The following GPC5 variants were observed in gnomAD, a reference collection of about 807,000 sequenced individuals.
GPC5 encodes glypican-5.
In GPC5, 47 loss-of-function variants were observed where a neutral mutation model predicts 53.9. The observed-to-expected ratio is 0.87, with a 90% CI of 0.69 to 1.11. GPC5 has a LOEUF of 1.11. GPC5 is among the 50% of genes most tolerant of loss of function. The probability of loss-of-function intolerance (pLI) is 0.00; values close to 1 mark genes in which losing one functional copy is unlikely to be tolerated. For synonymous variants in GPC5, 286 were observed against 263.3 expected (o/e 1.09, Z -0.84); for missense variants, 748 against 713.1 (o/e 1.05, Z -0.56).
chr13:91,404,476 C>A (rs1463963503), intron 1 of GPC5, among the ~76,000 whole-genome samples: 1 of 152,220 alleles, frequency 6.6e-6, no homozygotes, highest in Non-Finnish European at 1.5e-5. Context: ...TCCATATCTA[C>A]CTTTCTTTTA....
chr13:91,566,560 T>TCAAAAA (rs1476021616), intron 2 of GPC5, among the ~76,000 whole-genome samples: 4 of 152,038 alleles, frequency 2.6e-5, no homozygotes, highest in African/African-American at 9.7e-5. Flanking sequence ...AGACTCTGTC[T>TCAAAAA]CAAAAACAAA....
intron 5 of GPC5, among the ~76,000 whole-genome samples, chr13:91,899,834 G>A (rs1490775194): frequency 2.6e-5 from 4 of 152,096 alleles, no homozygotes; most frequent in African/African-American, 9.7e-5. Flanking sequence ...GTCTTCAGAG[G>A]GAGTATGGCC....
chr13:91,595,786 C>T (rs1229099782), intron 2 of GPC5, among the ~76,000 whole-genome samples: 1 of 152,186 alleles, frequency 6.6e-6, no homozygotes, highest in African/African-American at 2.4e-5. Flanking sequence ...GTTGGTGTTT[C>T]CACTTAGTCT....
At chr13:91,564,991 T>TG (rs1242946195) in intron 2 of GPC5, among the ~76,000 whole-genome samples, 1 of 11,514 alleles carries the variant, frequency 8.7e-5, no homozygotes, top group Non-Finnish European at 1.7e-4. Context: ...GTGGCTTTTT[T>TG]TTGGGGGGGG....
At chr13:92,109,875 ACTAT>A (rs1254142292) in intron 6 of GPC5, among the ~76,000 whole-genome samples, 1 of 152,174 alleles carries the variant, frequency 6.6e-6, no homozygotes, top group Non-Finnish European at 1.5e-5. Context: ...TGTGGCTTAT[ACTAT>A]GTTGTATATT....
chr13:92,765,287 T>C lies in GPC5; in HGVS notation c.1562-100995T>C, dbSNP rs527699960. On this transcript the variant is annotated intron_variant, in intron 7 of 7. Coordinates refer to ENST00000377067, the MANE Select transcript of GPC5 (RefSeq NM_004466.6). ...TAAGAACAGATTCATGGCTGCTTAA[T>C]GTGTCCTTCAAAACATCTTTCAAAA... is the stretch of plus-strand genomic sequence containing the variant. Among the ~76,000 whole-genome samples, 11 of 152,334 alleles carry C rather than the reference T, an allele frequency of 7.2e-5. No individual in the cohort carries two copies. In the South Asian group the frequency reaches 2.3e-3, roughly 32 times the overall value.
intron 6 of GPC5, among the ~76,000 whole-genome samples, chr13:92,106,676 CTT>C (rs1196383288): frequency 6.6e-6 from 1 of 152,080 alleles, no homozygotes; most frequent in Non-Finnish European, 1.5e-5. Flanking sequence ...TTCTGCAACT[CTT>C]TAGGTAATTG....
chr13:92,280,364 A>G (rs2042905913), intron 7 of GPC5, among the ~76,000 whole-genome samples: 1 of 152,080 alleles, frequency 6.6e-6, no homozygotes, highest in Non-Finnish European at 1.5e-5. Flanking sequence ...TCTCTTCTCT[A>G]AACTCTATTA....
At chr13:91,682,284 A>T (rs998164585) in intron 2 of GPC5, among the ~76,000 whole-genome samples, 9 of 152,212 alleles carry the variant, frequency 5.9e-5, no homozygotes, top group Non-Finnish European at 1.2e-4. Context: ...TTAATTTTCC[A>T]AAAGAACTTA....
At chr13:92,112,981 G>A (rs1051704962) in intron 6 of GPC5, among the ~76,000 whole-genome samples, 4 of 152,000 alleles carry the variant, frequency 2.6e-5, no homozygotes, top group African/African-American at 9.7e-5. Flanking sequence ...AAAATATTAA[G>A]TTTATTACCA....
intron 6 of GPC5, among the ~76,000 whole-genome samples, chr13:91,908,319 G>T (rs961980177): frequency 6.6e-6 from 1 of 151,960 alleles, no homozygotes; most frequent in African/African-American, 2.4e-5. Flanking sequence ...AGAATCTCAG[G>T]ATATGCTTTG....
intron 7 of GPC5, among the ~76,000 whole-genome samples, chr13:92,611,273 C>G (rs1211557190): frequency 1.3e-5 from 2 of 152,074 alleles, no homozygotes; most frequent in Admixed American, 6.6e-5. Flanking sequence ...GTAAGAGGTA[C>G]AAAGAAAAAG....
At chr13:91,830,993 T>C (rs1269084095) in intron 5 of GPC5, among the ~76,000 whole-genome samples, 1 of 136,712 alleles carries the variant, frequency 7.3e-6, no homozygotes, top group Non-Finnish European at 1.5e-5. Flanking sequence ...ATTATATATA[T>C]AATATATATA....
intron 6 of GPC5, among the ~76,000 whole-genome samples, chr13:91,970,939 T>C (rs2040235981): frequency 6.6e-6 from 1 of 152,320 alleles, no homozygotes; most frequent in Middle Eastern, 3.4e-3. Flanking sequence ...TTTTTGGTTG[T>C]GTCTCTGCCA....
At chr13:91,399,240 G>GC (rs773866952) in intron 1 of GPC5, 31 bp downstream of exon 1, 1 of 1,601,080 alleles carries the variant, frequency 6.2e-7, no homozygotes, top group Non-Finnish European at 8.5e-7. Flanking sequence ...CTCTGGACTG[G>GC]CGGCGTCCGA....
intron 7 of GPC5, among the ~76,000 whole-genome samples, chr13:92,397,422 T>G (rs76574561): frequency 0.1 from 15,723 of 152,318 alleles, 980 homozygotes; most frequent in East Asian, 0.31. Flanking sequence ...GCTATGATTC[T>G]GAGGCTCCCC....
At chr13:91,923,248 G>C (rs938710593) in intron 6 of GPC5, among the ~76,000 whole-genome samples, 4 of 152,000 alleles carry the variant, frequency 2.6e-5, no homozygotes, top group Admixed American at 2.6e-4. Context: ...AATGTTTTGC[G>C]GACTCAATAA....
intron 7 of GPC5, among the ~76,000 whole-genome samples, chr13:92,574,238 T>C (rs1883123926): frequency 6.6e-6 from 1 of 152,192 alleles, no homozygotes; most frequent in African/African-American, 2.4e-5. Context: ...GACTTTTATC[T>C]AAATCCTGAA....
chr13:92,237,259 T>C (rs1181688167), intron 7 of GPC5, among the ~76,000 whole-genome samples: 1 of 152,144 alleles, frequency 6.6e-6, no homozygotes, highest in Non-Finnish European at 1.5e-5. Flanking sequence ...CTCACTCTGT[T>C]GCCAGGCTGG....
Sources: allele counts gnomAD v4.1 joint callset (sites outside exome capture counted in the v4.1 genomes callset), GRCh38; gene constraint gnomAD v4.1.1; transcripts MANE v1.5; gene names NCBI Gene and HGNC (gene_info 2026-07-23, HGNC 2026-07-21).